RGL1: variants seen among roughly 807,000 people sequenced by gnomAD.
RGL1 encodes the protein ral guanine nucleotide dissociation stimulator like 1.
A neutral mutation model predicts 95.2 loss-of-function variants in RGL1; 24 were observed. That is an observed-to-expected ratio of 0.25 (90% CI 0.18 to 0.35). The LOEUF is 0.35. RGL1 is among the 10% of genes least tolerant of loss of function. The pLI is 1.00. For missense variants in RGL1, 715 were observed against 936.3 expected (o/e 0.76, Z 3.08); for synonymous variants, 329 against 344.9 (o/e 0.95, Z 0.51).
At chr1:183,781,585 G>T (rs1659905975) in intron 2 of RGL1, among the ~76,000 whole-genome samples, 1 of 151,996 alleles carries the variant, frequency 6.6e-6, no homozygotes, top group African/African-American at 2.4e-5. Context: ...ACCATTTCTC[G>T]AGATTCTTTA....
intron 11 of RGL1, 28 bp downstream of exon 11, chr1:183,900,264 G>A: frequency 6.3e-7 from 1 of 1,575,506 alleles, no homozygotes; most frequent in Non-Finnish European, 8.7e-7. Flanking sequence ...GGTGTGATCG[G>A]GCCTGCAGCC....
At chr1:183,852,718 C>T (rs1001117050) in intron 3 of RGL1, among the ~76,000 whole-genome samples, 3 of 152,070 alleles carry the variant, frequency 2.0e-5, no homozygotes, top group Admixed American at 6.5e-5. Context: ...GAGGCTGAGG[C>T]GGGAGAATCG....
intron 2 of RGL1, among the ~76,000 whole-genome samples, chr1:183,834,841 C>G (rs1187854743): frequency 6.6e-6 from 1 of 151,924 alleles, no homozygotes; most frequent in African/African-American, 2.4e-5. Flanking sequence ...TCACCACACC[C>G]AGGCTAATTT....
intron 1 of RGL1, among the ~76,000 whole-genome samples, chr1:183,717,649 T>A (rs1351682159): frequency 3.9e-5 from 6 of 152,196 alleles, no homozygotes; most frequent in Admixed American, 6.5e-5. Flanking sequence ...AGAAATACAA[T>A]TTCAAGAAGC....
chr1:183,782,731 G>A (rs1350698836), intron 2 of RGL1, among the ~76,000 whole-genome samples: 2 of 152,180 alleles, frequency 1.3e-5, no homozygotes, highest in Non-Finnish European at 2.9e-5. Flanking sequence ...TGAGATTGCT[G>A]TCATATTTTC....
At chr1:183,851,506 T>G (rs1234893479) in intron 3 of RGL1, among the ~76,000 whole-genome samples, 1 of 152,194 alleles carries the variant, frequency 6.6e-6, no homozygotes, top group South Asian at 2.1e-4. Context: ...TGGCTTCAAA[T>G]TACATATCCA....
chr1:183,885,056 A>G (rs1157717415), intron 7 of RGL1, 118 bp downstream of exon 7: 3 of 817,438 alleles, frequency 3.7e-6, no homozygotes, highest in Non-Finnish European at 5.7e-6. Flanking sequence ...CATATATGAG[A>G]GCCCACTGGG....
intron 1 of RGL1, among the ~76,000 whole-genome samples, chr1:183,728,952 A>G (rs1188568542): frequency 6.6e-6 from 1 of 152,184 alleles, no homozygotes; most frequent in African/African-American, 2.4e-5. Flanking sequence ...ATTAACATCA[A>G]CCCTTACTTT....
intron 2 of RGL1, among the ~76,000 whole-genome samples, chr1:183,847,186 C>T (rs1277763324): frequency 6.6e-6 from 1 of 152,158 alleles, no homozygotes; most frequent in Non-Finnish European, 1.5e-5. Context: ...CAGTGGCTCA[C>T]ACCTATAATC....
intron 2 of RGL1, among the ~76,000 whole-genome samples, chr1:183,831,716 C>G (rs2500118): frequency 0.81 from 122,636 of 152,098 alleles, 49,552 homozygotes; most frequent in Middle Eastern, 0.88. Context: ...AGATTCATTA[C>G]ATTAGAAACA....
intron 1 of RGL1, among the ~76,000 whole-genome samples, chr1:183,701,359 C>A (rs1558160882): frequency 6.6e-6 from 1 of 152,106 alleles, no homozygotes; most frequent in African/African-American, 2.4e-5. Flanking sequence ...TTAGTCTAAA[C>A]CCTCATTTTC....
At chr1:183,829,701 C>T (rs1293397178) in intron 2 of RGL1, among the ~76,000 whole-genome samples, 1 of 152,202 alleles carries the variant, frequency 6.6e-6, no homozygotes, top group Admixed American at 6.5e-5. Flanking sequence ...TTCCACCACT[C>T]TCCCTTGGTT....
chr1:183,863,793 C>T (rs1015278872), intron 3 of RGL1, among the ~76,000 whole-genome samples: 6 of 152,146 alleles, frequency 3.9e-5, no homozygotes, highest in African/African-American at 1.4e-4. Flanking sequence ...TCCTTTTTAT[C>T]CATGGCCCTT....
chr1:183,766,792 A>G (rs990229226), intron 2 of RGL1, among the ~76,000 whole-genome samples: 12 of 148,074 alleles, frequency 8.1e-5, no homozygotes, highest in African/African-American at 3.0e-4. Context: ...GTGCTCTATC[A>G]TTTTTTTTTT....
intron 2 of RGL1, among the ~76,000 whole-genome samples, chr1:183,824,338 C>T (rs1662706028): frequency 2.0e-5 from 3 of 152,092 alleles, no homozygotes; most frequent in Admixed American, 6.6e-5. Context: ...TTTATCCGGC[C>T]CTGGAGACAT....
In RGL1 at chr1:183,900,209, T is replaced by C; in HGVS notation, c.1290T>C (p.Leu430=). The change falls in exon 11 of 18, where the codon CTT becomes CTC. Residue 430 remains leucine (L), a synonymous_variant. Transcript: ENST00000360851. ...LGTFLTDLTM[L]DTALQDYIEG... Reference sequence around the variant, plus strand: ...CCTTCCTGACTGACCTGACCATGCTTGACACTGCCCTTCAGGACTACATCG... The same window carrying C: ...CCTTCCTGACTGACCTGACCATGCTCGACACTGCCCTTCAGGACTACATCG... 1 of 1,613,982 alleles carries C rather than the reference T, an allele frequency of 6.2e-7. No individual in the cohort carries two copies. The highest frequency in any genetic ancestry group is 1.7e-5 in the Admixed American group (1 of 60,016).
chr1:183,690,947 G>A (rs1210221507), intron 1 of RGL1, among the ~76,000 whole-genome samples: 3 of 152,144 alleles, frequency 2.0e-5, no homozygotes, highest in African/African-American at 7.2e-5. Flanking sequence ...TCATTGACAT[G>A]ATATGCCTAA....
At chr1:183,885,051 A>G (rs1344950915) in intron 7 of RGL1, 113 bp downstream of exon 7, 3 of 853,216 alleles carry the variant, frequency 3.5e-6, no homozygotes, top group African/African-American at 1.7e-5. Context: ...AAGACCATAT[A>G]TGAGAGCCCA....
chr1:183,727,278 A>G (rs1656366053), intron 1 of RGL1, among the ~76,000 whole-genome samples: 1 of 152,314 alleles, frequency 6.6e-6, no homozygotes, highest in South Asian at 2.1e-4. Flanking sequence ...CAATAAATGC[A>G]GAAAAGCCAC....
Sources: gnomAD v4.1 joint callset for allele counts (sites outside exome capture counted in the v4.1 genomes callset) on GRCh38, gnomAD v4.1.1 for gene constraint, MANE v1.5 for transcripts, NCBI Gene and HGNC (gene_info 2026-07-23, HGNC 2026-07-21) for gene names.